The following PALM2AKAP2 variants were observed in gnomAD, a reference collection of about 807,000 sequenced individuals.
PALM2AKAP2 encodes PALM2 and AKAP2 fusion, also known as PALM2-AKAP2 fusion protein.
Under a neutral mutation model 71.5 loss-of-function variants are expected in PALM2AKAP2, and 37 were observed. That is an observed-to-expected ratio of 0.52 (90% CI 0.40 to 0.68). The LOEUF is 0.68. Among genes scored for constraint, PALM2AKAP2 ranks in the 30% least tolerant of loss-of-function variants. The pLI is 0.00. For synonymous variants in PALM2AKAP2, 468 were observed against 478.8 expected (o/e 0.98, Z 0.29); for missense variants, 1,224 against 1,191.8 (o/e 1.03, Z -0.40).
chr9:110,014,799 AAAAAATGTAT>A lies in PALM2AKAP2; in HGVS notation c.497-1153_497-1144del, dbSNP rs1252708036. ...TGTCTCAAAAAAAAAAAAAAAAAAAAAAAAATGTATATATATATATATATATATATATATA... is the reference window on the plus strand; with the variant it reads ...TGTCTCAAAAAAAAAAAAAAAAAAAAATATATATATATATATATATATATA... On this transcript the variant is annotated intron_variant, in intron 6 of 9. Transcript: ENST00000302798. Among the ~76,000 whole-genome samples the A allele has an allele frequency of 5.8e-4, 33 of 56,628 alleles. 1 individual carries two copies. Among genetic ancestry groups the A allele is most frequent in the Middle Eastern group, 0.016 (2 of 124 alleles). The allele number at this position is 56,628 out of a possible 152,430, so 37.2% of individuals were successfully genotyped here. A position where few individuals can be genotyped will look rare whatever the true frequency, so the allele number is the denominator to read the frequency against.
chr9:109,959,922 A>G (rs1398375123), intron 6 of PALM2AKAP2, among the ~76,000 whole-genome samples: 1 of 152,136 alleles, frequency 6.6e-6, no homozygotes, highest in Non-Finnish European at 1.5e-5. Flanking sequence ...CCTCATCACT[A>G]AGGCACTCTC....
rs555113689 is a variant in PALM2AKAP2 at position 109,934,040 on chromosome 9, A to G, written c.496+2012A>G. 7.7e-4 allele frequency among the ~76,000 whole-genome samples: 117 copies of G among 152,358 alleles called. 1 individual carries two copies. The highest frequency in any genetic ancestry group is 3.4e-3 in the Middle Eastern group (1 of 294). ...TGACAAATGTCACTTGTCATTACTG[A>G]GTAGTATAACAAATATCCTGGTTGT... On this transcript the variant is annotated intron_variant, in intron 6 of 9. Transcript: ENST00000302798.
intron 6 of PALM2AKAP2, among the ~76,000 whole-genome samples, chr9:109,936,580 G>A (rs1040612890): frequency 6.6e-6 from 1 of 152,180 alleles, no homozygotes; most frequent in Admixed American, 6.6e-5. Context: ...CAGGTGCAAT[G>A]CCAACTCCTG....
chr9:109,947,633 G>A (rs1831541649), intron 6 of PALM2AKAP2, among the ~76,000 whole-genome samples: 1 of 152,140 alleles, frequency 6.6e-6, no homozygotes, highest in Non-Finnish European at 1.5e-5. Flanking sequence ...AAGCATCGAG[G>A]ACTTTTTCTT....
chr9:110,122,047 T>C (rs1409667376), intron 1 of PALM2AKAP2, among the ~76,000 whole-genome samples: 2 of 152,214 alleles, frequency 1.3e-5, no homozygotes, highest in African/African-American at 4.8e-5. Flanking sequence ...TTCAAAGTCG[T>C]CTCTTGCTGC....
intron 1 of PALM2AKAP2, among the ~76,000 whole-genome samples, chr9:109,654,862 G>T (rs184818090): frequency 6.6e-6 from 1 of 151,878 alleles, no homozygotes; most frequent in African/African-American, 2.4e-5. Flanking sequence ...TATTTTGGTA[G>T]TTTTTCTTTT....
chr9:110,147,081 T>C (rs1026487413), intron 2 of PALM2AKAP2, among the ~76,000 whole-genome samples: 1 of 152,010 alleles, frequency 6.6e-6, no homozygotes, highest in Non-Finnish European at 1.5e-5. Context: ...TGAAACCCCA[T>C]GTCTACCAAA....
In PALM2AKAP2 at chr9:109,816,440, A is replaced by T. The variant is rs78535954; in HGVS notation, c.45+35907A>T. On this transcript the variant is annotated intron_variant, in intron 1 of 9. Coordinates refer to the PALM2AKAP2 transcript ENST00000302798. ...AAGATTTGAAAAGACCCAAGAGCAG[A>T]GGTGTGAGGACAAGCCAGTGAGAGA... Among the ~76,000 whole-genome samples, 365 of 152,282 alleles carry T rather than the reference A, an allele frequency of 2.4e-3. 1 individual carries two copies. Among genetic ancestry groups the T allele is most frequent in the African/African-American group, 8.4e-3 (349 of 41,564 alleles).
At chr9:109,758,496 T>A (rs1334670419) in intron 1 of PALM2AKAP2, among the ~76,000 whole-genome samples, 1 of 151,892 alleles carries the variant, frequency 6.6e-6, no homozygotes, top group East Asian at 1.9e-4. Flanking sequence ...ACTTGGTACA[T>A]TTTGCCAGCC....
upstream of PALM2AKAP2, among the ~76,000 whole-genome samples, chr9:109,777,265 C>T (rs1205922109): frequency 2.0e-5 from 3 of 152,344 alleles, no homozygotes; most frequent in East Asian, 1.9e-4. Flanking sequence ...TTCCCTACTT[C>T]GTTATTCCTT....
intron 6 of PALM2AKAP2, among the ~76,000 whole-genome samples, chr9:109,974,497 A>G (rs895803968): frequency 6.6e-6 from 1 of 152,048 alleles, no homozygotes; most frequent in African/African-American, 2.4e-5. Flanking sequence ...ACAACCTGAG[A>G]GAGAAAGAGA....
intron 1 of PALM2AKAP2, among the ~76,000 whole-genome samples, chr9:109,679,114 A>G (rs1054432868): frequency 7.2e-5 from 11 of 152,236 alleles, no homozygotes; most frequent in African/African-American, 2.7e-4. Flanking sequence ...CTTTCTGCTT[A>G]TGCTGCTTCT....
At chr9:110,126,606 A>C (rs1225638260) in intron 1 of PALM2AKAP2, among the ~76,000 whole-genome samples, 1 of 152,162 alleles carries the variant, frequency 6.6e-6, no homozygotes, top group Non-Finnish European at 1.5e-5. Context: ...CATGAAACTC[A>C]CATCTCTCCT....
intron 3 of PALM2AKAP2, among the ~76,000 whole-genome samples, chr9:109,897,434 G>T (rs1349428521): frequency 3.9e-5 from 6 of 152,032 alleles, no homozygotes; most frequent in Non-Finnish European, 4.4e-5. Context: ...ACAAAAATTA[G>T]CCGGGCATGG....
intron 1 of PALM2AKAP2, among the ~76,000 whole-genome samples, chr9:109,808,814 C>T (rs1489874484): frequency 2.0e-5 from 3 of 152,214 alleles, no homozygotes; most frequent in African/African-American, 7.2e-5. Context: ...GGGCCCAGGG[C>T]CTTGCTGCTT....
At chr9:109,767,506 C>T (rs1683958416) in intron 1 of PALM2AKAP2, among the ~76,000 whole-genome samples, 1 of 152,238 alleles carries the variant, frequency 6.6e-6, no homozygotes, top group African/African-American at 2.4e-5. Context: ...CTTACATCTT[C>T]TTCCCTGCCT....
chr9:109,976,231 A>G (rs1333119009), intron 6 of PALM2AKAP2, among the ~76,000 whole-genome samples: 1 of 152,238 alleles, frequency 6.6e-6, no homozygotes, highest in African/African-American at 2.4e-5. Flanking sequence ...GTTACTGAGC[A>G]CTTAATATAT....
At chr9:110,058,961 G>A (rs1429399474) in intron 1 of PALM2AKAP2, among the ~76,000 whole-genome samples, 4 of 142,878 alleles carry the variant, frequency 2.8e-5, no homozygotes, top group African/African-American at 2.6e-5. Context: ...GTGCAGTGGT[G>A]CAATCTCGGC....
At chr9:110,057,043 C>T (rs1395685676) in intron 1 of PALM2AKAP2, among the ~76,000 whole-genome samples, 1 of 152,000 alleles carries the variant, frequency 6.6e-6, no homozygotes, top group Non-Finnish European at 1.5e-5. Context: ...CCCAGGGACG[C>T]CTTGTCCTTG....
Sources: allele counts gnomAD v4.1 joint callset (sites outside exome capture counted in the v4.1 genomes callset), GRCh38; gene constraint gnomAD v4.1.1; transcripts MANE v1.5; gene names NCBI Gene and HGNC (gene_info 2026-07-23, HGNC 2026-07-21).